Variants in THSD7B observed in about 807,000 individuals in gnomAD.
THSD7B encodes thrombospondin type 1 domain containing 7B, also known as thrombospondin type-1 domain-containing protein 7B.
In THSD7B, 138 loss-of-function variants were observed where a neutral mutation model predicts 213.6. That is an observed-to-expected ratio of 0.65 (90% CI 0.56 to 0.74). THSD7B has a LOEUF of 0.74. Among genes scored for constraint, THSD7B ranks in the 30% least tolerant of loss-of-function variants. THSD7B has a pLI of 0.00. For synonymous variants in THSD7B, 742 were observed against 687.0 expected, an observed-to-expected ratio of 1.08 and a Z score of -1.25; for missense variants, 1,931 against 1,991.5, an observed-to-expected ratio of 0.97 and a Z score of 0.58.
intron 15 of THSD7B, among the ~76,000 whole-genome samples, chr2:137,482,696 T>G (rs533061002): frequency 6.6e-6 from 1 of 152,074 alleles, no homozygotes; most frequent in African/African-American, 2.4e-5. Flanking sequence ...TTTTTTTTTT[T>G]CCCTTGGAGC....
At chr2:137,601,356 T>C (rs928289538) in intron 17 of THSD7B, among the ~76,000 whole-genome samples, 5 of 152,214 alleles carry the variant, frequency 3.3e-5, no homozygotes, top group Admixed American at 3.3e-4. Context: ...GGTGTACCAT[T>C]TTTTAAATCT....
intron 12 of THSD7B, among the ~76,000 whole-genome samples, chr2:137,366,193 A>C (rs1685402986): frequency 6.6e-6 from 1 of 152,158 alleles, no homozygotes; most frequent in South Asian, 2.1e-4. Flanking sequence ...TTGAACAATG[A>C]GAATACTTGG....
chr2:137,273,182 T>A (rs540672877), intron 11 of THSD7B, among the ~76,000 whole-genome samples: 3 of 152,096 alleles, frequency 2.0e-5, no homozygotes, highest in Non-Finnish European at 4.4e-5. Flanking sequence ...TGGTTCTCAA[T>A]TTTTGTGATA....
At chr2:137,590,247 A>G (rs1681834196) in intron 17 of THSD7B, among the ~76,000 whole-genome samples, 1 of 152,200 alleles carries the variant, frequency 6.6e-6, no homozygotes, top group African/African-American at 2.4e-5. Context: ...AGTACAAGAC[A>G]CAGCAATGTG....
At position 136,905,865 on chromosome 2, in the gene THSD7B, C is replaced by T. The variant is rs182390047; in HGVS notation, c.139+23548C>T. Among the ~76,000 whole-genome samples the T allele has an allele frequency of 1.5e-3, 235 of 152,272 alleles. 3 individuals carry two copies. The highest frequency in any genetic ancestry group is 3.4e-3 in the Middle Eastern group (1 of 294). On this transcript the variant is annotated intron_variant, in intron 2 of 27. Transcript: ENST00000409968. ...AGACAGTTGGGGCTAGCATTGGAGC[C>T]TCTTATATTAGGGAGGGGAGGGAGG...
intron 3 of THSD7B, among the ~76,000 whole-genome samples, chr2:137,070,062 A>C (rs555783958): frequency 2.0e-5 from 3 of 151,934 alleles, no homozygotes; most frequent in Non-Finnish European, 4.4e-5. Flanking sequence ...TCTAAAAATA[A>C]AAAATATGCA....
At chr2:137,512,686 G>A (rs1679992210) in intron 15 of THSD7B, among the ~76,000 whole-genome samples, 2 of 151,910 alleles carry the variant, frequency 1.3e-5, no homozygotes, top group East Asian at 1.9e-4. Context: ...AAGCCACCAC[G>A]CTTGGCCTTA....
rs375071555 is a variant in THSD7B at position 137,151,518 on chromosome 2, TA to T, written c.1370-8691del. 3.9e-3 allele frequency among the ~76,000 whole-genome samples: 312 copies of T among 79,270 alleles called. 3 individuals are homozygous for T. The highest frequency in any genetic ancestry group is 0.013 in the African/African-American group (293 of 22,098). 52.0% of individuals were successfully genotyped at this position (79,270 alleles called of 152,430 possible). ...AACAATGCACATGTACCCTAGAACTTAAAAGTATAAAAAAAAAAAACAGCAA... is the reference window on the plus strand; with the variant it reads ...AACAATGCACATGTACCCTAGAACTTAAAGTATAAAAAAAAAAAACAGCAA... On this transcript the variant is annotated intron_variant, in intron 5 of 27. Transcript: ENST00000409968.
At chr2:137,452,584 C>T (rs975228663) in intron 15 of THSD7B, among the ~76,000 whole-genome samples, 4 of 152,024 alleles carry the variant, frequency 2.6e-5, no homozygotes, top group African/African-American at 7.2e-5. Context: ...TCCTCAAAAC[C>T]GTCAATGAAA....
At chr2:137,073,785 T>G (rs1282237327) in intron 3 of THSD7B, among the ~76,000 whole-genome samples, 1 of 152,230 alleles carries the variant, frequency 6.6e-6, no homozygotes, top group Non-Finnish European at 1.5e-5. Flanking sequence ...GTATGTTGTG[T>G]CTTTGTTCTC....
intron 2 of THSD7B, among the ~76,000 whole-genome samples, chr2:136,964,604 A>T (rs1412489420): frequency 6.6e-6 from 1 of 152,130 alleles, no homozygotes; most frequent in Non-Finnish European, 1.5e-5. Flanking sequence ...CTATGCAAAT[A>T]TTCTCATCCC....
At chr2:136,804,782 A>G (rs1682254515) in intron 1 of THSD7B, among the ~76,000 whole-genome samples, 1 of 152,134 alleles carries the variant, frequency 6.6e-6, no homozygotes, top group Non-Finnish European at 1.5e-5. Flanking sequence ...TTAAGTAAAA[A>G]AGCTTGCTTA....
Position 136,932,167 on chromosome 2 carries a change from A to T in THSD7B, c.139+49850A>T, listed in dbSNP as rs1041424646. Among the ~76,000 whole-genome samples, 20 of 152,192 alleles carry T rather than the reference A, an allele frequency of 1.3e-4. 1 individual carries two copies. Among genetic ancestry groups the T allele is most frequent in the Non-Finnish European group, 1.5e-5 (1 of 68,036 alleles). ...TATTGATAATTTACCTGAAATTCAA[A>T]CCTAAACTCAACAGTCAATTTTTAG... On this transcript the variant is annotated intron_variant, in intron 2 of 27. Coordinates refer to ENST00000409968, the MANE Select transcript of THSD7B (RefSeq NM_001316349.2).
At chr2:137,058,439 G>A (rs1687208514) in intron 3 of THSD7B, among the ~76,000 whole-genome samples, 1 of 151,978 alleles carries the variant, frequency 6.6e-6, no homozygotes, top group Admixed American at 6.6e-5. Flanking sequence ...GTGCATTTTT[G>A]CAGTGTTTTT....
intron 5 of THSD7B, among the ~76,000 whole-genome samples, chr2:137,144,279 AT>A (rs576854440): frequency 4.9e-4 from 75 of 152,190 alleles, no homozygotes; most frequent in African/African-American, 1.8e-3. Context: ...GTATATTTGA[AT>A]TTTAAGGCCA....
chr2:137,411,619 AAAG>A lies in THSD7B; in HGVS notation c.2710_2712del (p.Lys904del), dbSNP rs1686654700. 11 of 1,610,692 alleles carry A rather than the reference AAAG, an allele frequency of 6.8e-6. No homozygotes were observed. The highest frequency in any genetic ancestry group is 1.7e-5 in the Admixed American group (1 of 59,798). On this transcript the variant is annotated inframe_deletion, in exon 14 of 28. Transcript: ENST00000409968. ...CTCTTGTTGGAACAGGGAAAAGCAG[AAAG>A]AAGGAGAAATGCCAGGATTCTGACC...
intron 17 of THSD7B, among the ~76,000 whole-genome samples, chr2:137,602,379 C>G (rs889442370): frequency 6.6e-6 from 1 of 152,084 alleles, no homozygotes; most frequent in East Asian, 1.9e-4. Flanking sequence ...AAGCGATTCC[C>G]CTGCCTCAGC....
At chr2:137,016,921 C>A (rs909672310) in intron 2 of THSD7B, among the ~76,000 whole-genome samples, 5 of 152,224 alleles carry the variant, frequency 3.3e-5, no homozygotes, top group African/African-American at 1.2e-4. Flanking sequence ...GGGTCAGATG[C>A]TTTTCAAAAT....
At chr2:137,339,317 G>C (rs1457850984) in intron 12 of THSD7B, among the ~76,000 whole-genome samples, 1 of 151,886 alleles carries the variant, frequency 6.6e-6, no homozygotes, top group Non-Finnish European at 1.5e-5. Context: ...AAAATAACTA[G>C]AGAAGAGCAA....
Sources: gnomAD v4.1 joint callset for allele counts (sites outside exome capture counted in the v4.1 genomes callset) on GRCh38, gnomAD v4.1.1 for gene constraint, MANE v1.5 for transcripts, NCBI Gene and HGNC (gene_info 2026-07-23, HGNC 2026-07-21) for gene names.